The following ZFP64 variants were observed in gnomAD, a reference collection of about 807,000 sequenced individuals.
The protein encoded by ZFP64 is zinc finger protein 64.
A neutral mutation model predicts 51.6 loss-of-function variants in ZFP64; 14 were observed. The observed-to-expected ratio is 0.27, with a 90% CI of 0.18 to 0.42. The LOEUF is 0.42. Ranked by LOEUF, ZFP64 falls within the 10% of genes least tolerant of loss-of-function variation. The pLI, the probability that ZFP64 is intolerant of heterozygous loss-of-function variation, is 1.00. For missense variants in ZFP64, 754 were observed against 906.8 expected (o/e 0.83, Z 2.16); for synonymous variants, 375 against 361.4 (o/e 1.04, Z -0.43).
At chr20:52,097,373 C>T in exon 7 of ZFP64, 2 of 1,613,044 alleles carry the variant, frequency 1.2e-6, no homozygotes, top group Non-Finnish European at 1.7e-6. Context: ...GGATACCTAC[C>T]CGTGTGGATT....
chr20:52,105,258 C>G, intron 5 of ZFP64: 1 of 1,329,250 alleles, frequency 7.5e-7, no homozygotes, highest in Non-Finnish European at 9.6e-7. Flanking sequence ...CCGGGCTCCC[C>G]GCGCGTCCCT....
intron 5 of ZFP64, among the ~76,000 whole-genome samples, chr20:52,125,525 T>C (rs1979406469): frequency 6.6e-6 from 1 of 152,210 alleles, no homozygotes; most frequent in African/African-American, 2.4e-5. Flanking sequence ...GCTGCTACTG[T>C]GAACAAATAT....
In ZFP64 at chr20:52,085,024, C is replaced by T; in HGVS notation, c.1471G>A (p.Ala491Thr). The change falls in exon 9 of 9, where the codon GCC (alanine) becomes ACC (threonine). Residue 491 changes from alanine (A) to threonine (T), a missense_variant. Ala to Thr is a moderately conservative substitution (Grantham distance 58). Coordinates refer to the ZFP64 transcript ENST00000361387. This position sits in a 1 kb window ranked among gnomAD's most constrained non-coding sequence, Gnocchi z 4.3. ...TCTGGACACTTCTCCGGGTGGTCGG[C>T]CTGGTGCAGCCGGCTGTGCTCCAGG... 6.2e-7 allele frequency: 1 copy of T among 1,614,068 alleles called. No individual in the cohort carries two copies. Among genetic ancestry groups the T allele is most frequent in the Non-Finnish European group, 8.5e-7 (1 of 1,180,010 alleles).
Position 52,186,992 on chromosome 20 carries a change from G to T in ZFP64, c.126C>A (p.Asn42Lys), listed in dbSNP as rs533587833. ...ICGICKQQFNNLDAFVAHKQS... is the reference protein window; with the variant it reads ...ICGICKQQFNKLDAFVAHKQS... ...GCTTGTGAGCTACAAAGGCATCCAG[G>T]TTGTTAAACTGCTGCTTGCAGATGC... Residue 42 changes from asparagine to lysine, a missense_variant, in exon 2 of 6, where the codon AAC (asparagine) becomes AAA (lysine). Physicochemically the swap from Asn to Lys is moderately conservative, Grantham distance 94. This residue lies in a region of ZFP64 where 95 missense variants were observed against 97.7 expected (regional missense o/e 0.97). Coordinates refer to ENST00000216923, the MANE Select transcript of ZFP64 (RefSeq NM_018197.3). The T allele has an allele frequency of 5.6e-6, 9 of 1,614,022 alleles. No homozygotes were observed. Among genetic ancestry groups the T allele is most frequent in the Non-Finnish European group, 7.6e-6 (9 of 1,179,978 alleles).
chr20:52,122,457 G>C (rs567911553), intron 5 of ZFP64, among the ~76,000 whole-genome samples: 11 of 141,562 alleles, frequency 7.8e-5, no homozygotes, highest in Middle Eastern at 4.4e-3. Context: ...AGTGAGCCGA[G>C]ATGGCTCCAC....
intron 8 of ZFP64, among the ~76,000 whole-genome samples, chr20:52,086,715 T>TG (rs1600680495): frequency 1.3e-5 from 2 of 152,148 alleles, no homozygotes; most frequent in African/African-American, 2.4e-5. Flanking sequence ...CCTGACCTCG[T>TG]GATCTGCCTG....
At chr20:52,109,780 C>CAAAAAAAAAAAAAAAAA (rs779914417) in intron 5 of ZFP64, among the ~76,000 whole-genome samples, 1 of 46,120 alleles carries the variant, frequency 2.2e-5, no homozygotes, top group Non-Finnish European at 4.5e-5. Context: ...AATTCCACCT[C>CAAAAAAAAAAAAAAAAA]AAAAAAAAAA....
intron 5 of ZFP64, among the ~76,000 whole-genome samples, chr20:52,100,593 T>C (rs2079040348): frequency 6.6e-6 from 1 of 152,272 alleles, no homozygotes; most frequent in East Asian, 1.9e-4. Context: ...TAGGCCAAGG[T>C]CTGGGACTTT....
chr20:52,107,348 C>T (rs1978333115), intron 5 of ZFP64, among the ~76,000 whole-genome samples: 1 of 152,032 alleles, frequency 6.6e-6, no homozygotes, highest in Admixed American at 6.6e-5. Context: ...CTACACTTGC[C>T]TACATTTTTT....
At chr20:52,165,672 C>T (rs1329414208) in intron 3 of ZFP64, 192 bp downstream of exon 3, 3 of 794,678 alleles carry the variant, frequency 3.8e-6, no homozygotes, top group African/African-American at 1.7e-5. Flanking sequence ...TCTTAGAACC[C>T]AGAGGCAGAA....
Position 52,191,530 on chromosome 20 carries a change from C to T in ZFP64, c.46+61G>A. 2 of 1,488,518 alleles carry T rather than the reference C, an allele frequency of 1.3e-6. No homozygotes were observed. The highest frequency in any genetic ancestry group is 8.9e-7 in the Non-Finnish European group (1 of 1,120,800). The allele number at this position is 1,488,518 out of a possible 1,614,324, so 92.2% of individuals were successfully genotyped here. On this transcript the variant is annotated intron_variant, in intron 1 of 5. Coordinates refer to ENST00000216923, the MANE Select transcript of ZFP64 (RefSeq NM_018197.3). The surrounding 1 kb of genome is among the most constrained non-coding windows in gnomAD (Gnocchi z 4.3). ...TGGCTGCGTCGCAGACGTGCTTGGG[C>T]CCGGGCCCCGGAGCGCGCACTGGGC... is the stretch of plus-strand genomic sequence containing the variant.
intron 5 of ZFP64, among the ~76,000 whole-genome samples, chr20:52,103,747 G>A (rs2079078791): frequency 6.6e-6 from 1 of 152,244 alleles, no homozygotes; most frequent in Non-Finnish European, 1.5e-5. Context: ...CGACCCAGGG[G>A]ACGGGATCCT....
downstream of ZFP64, among the ~76,000 whole-genome samples, chr20:52,148,721 A>G (rs946226815): frequency 1.3e-5 from 2 of 152,004 alleles, no homozygotes; most frequent in African/African-American, 4.8e-5. Context: ...AAAAAAAAAA[A>G]AGAATTCTGG....
chr20:52,104,900 TGAGAG>T (rs1303014260), intron 5 of ZFP64: 36 of 667,540 alleles, frequency 5.4e-5, no homozygotes, highest in Middle Eastern at 2.5e-4. Flanking sequence ...GACTAGCTCT[TGAGAG>T]GAGTGGCTAG....
At chr20:52,173,430 A>G (rs1199692025) in intron 2 of ZFP64, among the ~76,000 whole-genome samples, 1 of 152,074 alleles carries the variant, frequency 6.6e-6, no homozygotes, top group Non-Finnish European at 1.5e-5. Flanking sequence ...CCACAAAACC[A>G]TACAAAAAAT....
intron 5 of ZFP64, among the ~76,000 whole-genome samples, chr20:52,101,498 T>A (rs949858400): frequency 1.3e-5 from 2 of 152,200 alleles, no homozygotes; most frequent in Non-Finnish European, 2.9e-5. Context: ...GCCTCCCGAA[T>A]AGCTGGGACC....
At chr20:52,159,232 T>C (rs6013406) in intron 5 of ZFP64, among the ~76,000 whole-genome samples, 5,338 of 152,302 alleles carry the variant, frequency 0.035, 301 homozygotes, top group African/African-American at 0.12. Context: ...TGAATCATTA[T>C]CTAACTGATA....
intron 5 of ZFP64, among the ~76,000 whole-genome samples, chr20:52,120,637 TTTATTATATCTG>T (rs1409665722): frequency 2.3e-4 from 33 of 143,552 alleles, no homozygotes; most frequent in African/African-American, 9.3e-4. Context: ...AACTTTATCA[TTTATTATATCTG>T]TTAATGTGAT....
At chr20:52,162,386 G>C (rs2123012407) in intron 4 of ZFP64, among the ~76,000 whole-genome samples, 1 of 152,126 alleles carries the variant, frequency 6.6e-6, no homozygotes, top group African/African-American at 2.4e-5. Flanking sequence ...CAGCACTTTG[G>C]GAGGCCGAGG....
Sources: allele counts gnomAD v4.1 joint callset (sites outside exome capture counted in the v4.1 genomes callset), GRCh38; gene constraint gnomAD v4.1.1; regional missense constraint gnomAD v4.1.1; non-coding constraint Gnocchi (gnomAD v3.1); transcripts MANE v1.5; gene names NCBI Gene and HGNC (gene_info 2026-07-23, HGNC 2026-07-21).